ACVR1B: variants seen among roughly 807,000 people sequenced by gnomAD.
The protein encoded by ACVR1B is activin receptor type-1B.
In ACVR1B, 15 loss-of-function variants were observed where a neutral mutation model predicts 55.6. The ratio of observed to expected loss-of-function variants is 0.27; its 90% CI spans 0.18 to 0.42. The LOEUF (loss-of-function observed/expected upper bound fraction) is 0.42. Among genes scored for constraint, ACVR1B ranks in the 10% least tolerant of loss-of-function variants. The pLI, the probability that ACVR1B is intolerant of heterozygous loss-of-function variation, is 1.00. For missense variants in ACVR1B, 359 were observed against 670.1 expected (o/e 0.54, Z 5.13); for synonymous variants, 247 against 254.6 (o/e 0.97, Z 0.28).
chr12:51,989,042 A>G (rs1942136253), intron 7 of ACVR1B, among the ~76,000 whole-genome samples: 1 of 152,148 alleles, frequency 6.6e-6, no homozygotes, highest in South Asian at 2.1e-4. Context: ...AGGTGGGCGG[A>G]TCACCTGGGA....
intron 1 of ACVR1B, among the ~76,000 whole-genome samples, chr12:51,970,214 C>T (rs1187642246): frequency 4.6e-5 from 7 of 152,176 alleles, no homozygotes; most frequent in East Asian, 1.9e-4. Context: ...CGTGGCCCTG[C>T]TGGCTCTGTG....
At chr12:51,992,177 T>C in intron 8 of ACVR1B, 184 bp downstream of exon 8, 1 of 747,130 alleles carries the variant, frequency 1.3e-6, no homozygotes. Context: ...CTGGACCCTG[T>C]AGGGTGCCAT....
chr12:51,951,847 A>G lies in ACVR1B; in HGVS notation c.91+13A>G, dbSNP rs768997035. 1.6e-6 allele frequency: 2 copies of G among 1,255,192 alleles called. No individual in the cohort carries two copies. Among genetic ancestry groups the G allele is most frequent in the African/African-American group, 1.6e-5 (1 of 64,210 alleles). The allele number at this position is 1,255,192 out of a possible 1,614,324, so 77.8% of individuals were successfully genotyped here. A position where few individuals can be genotyped will look rare whatever the true frequency, so the allele number is the denominator to read the frequency against. Reference sequence around the variant, plus strand: ...CGGGGGGTCCAGGGTGAGTCCTGGGACGGGGGGCGGGGGCCGGGATGGAGA... The same window carrying G: ...CGGGGGGTCCAGGGTGAGTCCTGGGGCGGGGGGCGGGGGCCGGGATGGAGA... On this transcript the variant is annotated intron_variant, in intron 1 of 8. Coordinates refer to ENST00000257963, the MANE Select transcript of ACVR1B (RefSeq NM_004302.5).
At chr12:51,954,277 A>T (rs2120412698) in intron 1 of ACVR1B, among the ~76,000 whole-genome samples, 1 of 152,330 alleles carries the variant, frequency 6.6e-6, no homozygotes, top group South Asian at 2.1e-4. Flanking sequence ...AAGGAGAATG[A>T]GTTTCAGTTA....
intron 1 of ACVR1B, among the ~76,000 whole-genome samples, chr12:51,958,675 C>G (rs1408313509): frequency 6.6e-6 from 1 of 151,916 alleles, no homozygotes; most frequent in Non-Finnish European, 1.5e-5. Context: ...GAAAGATCAT[C>G]AGGCACATCA....
chr12:51,993,764 C>A (rs11169973), intron 8 of ACVR1B, among the ~76,000 whole-genome samples: 1 of 60,076 alleles, frequency 1.7e-5, no homozygotes, highest in Non-Finnish European at 2.8e-5. Flanking sequence ...GAGACTCCTT[C>A]TAAAAAAAAA....
intron 1 of ACVR1B, among the ~76,000 whole-genome samples, chr12:51,964,393 G>A (rs932002869): frequency 6.6e-6 from 1 of 152,146 alleles, no homozygotes; most frequent in Non-Finnish European, 1.5e-5. Flanking sequence ...TGTATGATTT[G>A]CGTATATTTT....
rs776150905 is a variant in ACVR1B at position 51,986,791 on chromosome 12, G to A, written c.1137-27G>A. 30 of 1,595,496 alleles carry A rather than the reference G, an allele frequency of 1.9e-5. 1 individual carries two copies. Among genetic ancestry groups the A allele is most frequent in the African/African-American group, 1.3e-4 (10 of 74,156 alleles). On this transcript the variant is annotated intron_variant, in intron 6 of 8. Coordinates refer to ENST00000257963, the MANE Select transcript of ACVR1B (RefSeq NM_004302.5). ...AGAGAGCAGTCATCATTTTCTGTGCGTGACCATGTTTGTTTTGCTATTGCA... is the reference window on the plus strand; with the variant it reads ...AGAGAGCAGTCATCATTTTCTGTGCATGACCATGTTTGTTTTGCTATTGCA...
chr12:51,962,488 A>G (rs1323649842), intron 1 of ACVR1B, among the ~76,000 whole-genome samples: 1 of 152,142 alleles, frequency 6.6e-6, no homozygotes, highest in Non-Finnish European at 1.5e-5. Context: ...TGATGATTGT[A>G]AAAGGTGAAA....
At chr12:51,978,077 A>G (rs1031128299) in intron 3 of ACVR1B, among the ~76,000 whole-genome samples, 2 of 151,938 alleles carry the variant, frequency 1.3e-5, no homozygotes, top group Non-Finnish European at 2.9e-5. Context: ...CCTGAATTTC[A>G]GTGGCTTTGC....
intron 1 of ACVR1B, among the ~76,000 whole-genome samples, chr12:51,973,875 C>G (rs1051270792): frequency 6.6e-6 from 1 of 152,186 alleles, no homozygotes; most frequent in Admixed American, 6.5e-5. Context: ...GTGGGACTAG[C>G]AAGGAATCGG....
At chr12:51,972,952 C>T (rs1039442081) in intron 1 of ACVR1B, among the ~76,000 whole-genome samples, 3 of 152,158 alleles carry the variant, frequency 2.0e-5, no homozygotes. Flanking sequence ...GGGACTCACC[C>T]AGCGCCTTAT....
At chr12:51,982,826 A>G in intron 4 of ACVR1B, 1 of 1,489,750 alleles carries the variant, frequency 6.7e-7, no homozygotes, top group South Asian at 1.3e-5. Flanking sequence ...ATTCCTTTTT[A>G]AAACTATCAC....
intron 7 of ACVR1B, 107 bp from the exon 8 acceptor site, chr12:51,991,756 T>C (rs1264763108): frequency 5.0e-5 from 61 of 1,228,344 alleles, no homozygotes; most frequent in Non-Finnish European, 6.7e-5. Flanking sequence ...CTAAGGAACC[T>C]TAGGGGGTAG....
At position 51,986,960 on chromosome 12, in the gene ACVR1B, C is replaced by T. The variant is rs778220609; in HGVS notation, c.1261+18C>T. 1.2e-6 allele frequency: 2 copies of T among 1,613,982 alleles called. No homozygotes were observed. Among genetic ancestry groups the T allele is most frequent in the African/African-American group, 2.7e-5 (2 of 74,900 alleles). ...TTCTGGAGGTACCTTTCTTTTTTGC[C>T]TTTGCTCCTACCTCCCATTCCAGGA... is the stretch of plus-strand genomic sequence containing the variant. On this transcript the variant is annotated intron_variant, in intron 7 of 8. Coordinates refer to ENST00000257963, the MANE Select transcript of ACVR1B (RefSeq NM_004302.5).
chr12:51,973,921 G>A (rs2120583439), intron 1 of ACVR1B, among the ~76,000 whole-genome samples: 1 of 152,298 alleles, frequency 6.6e-6, no homozygotes, highest in East Asian at 1.9e-4. Context: ...GAGGGGTTGG[G>A]CACTGAGATA....
intron 1 of ACVR1B, chr12:51,953,607 AAAGG>A (rs1941354120): frequency 1.2e-6 from 1 of 857,808 alleles, no homozygotes; most frequent in African/African-American, 1.8e-5. Context: ...AAAAAAAAAA[AAAGG>A]GAGATTGAAC....
At chr12:51,979,928 A>G (rs1201299253) in intron 3 of ACVR1B, among the ~76,000 whole-genome samples, 4 of 152,104 alleles carry the variant, frequency 2.6e-5, no homozygotes, top group Non-Finnish European at 5.9e-5. Context: ...GAAGGTCCAA[A>G]AGTAGGACAG....
intron 1 of ACVR1B, among the ~76,000 whole-genome samples, chr12:51,973,631 T>C (rs1428542712): frequency 1.3e-5 from 2 of 152,212 alleles, no homozygotes; most frequent in Non-Finnish European, 2.9e-5. Flanking sequence ...AAATTTACTT[T>C]TAAAAATCCC....
Sources: gnomAD v4.1 joint callset for allele counts (sites outside exome capture counted in the v4.1 genomes callset) on GRCh38, gnomAD v4.1.1 for gene constraint, MANE v1.5 for transcripts, NCBI Gene and HGNC (gene_info 2026-07-23, HGNC 2026-07-21) for gene names.